MYO3B: variants seen among roughly 807,000 people sequenced by gnomAD.
The protein encoded by MYO3B is myosin IIIB.
A neutral mutation model predicts 174.6 loss-of-function variants in MYO3B; 156 were observed. The ratio of observed to expected loss-of-function variants is 0.89; its 90% confidence interval spans 0.78 to 1.02. The LOEUF (loss-of-function observed/expected upper bound fraction) is 1.02. Among genes scored for constraint, MYO3B ranks in the 50% least tolerant of loss-of-function variants. The pLI, the probability that MYO3B is intolerant of heterozygous loss-of-function variation, is 0.00. For synonymous variants in MYO3B, 563 were observed against 569.1 expected (o/e 0.99, Z 0.15); for missense variants, 1,632 against 1,639.4 (o/e 1.00, Z 0.08).
intron 32 of MYO3B, among the ~76,000 whole-genome samples, chr2:170,581,026 G>T (rs1347821463): frequency 1.3e-5 from 2 of 151,866 alleles, no homozygotes; most frequent in Non-Finnish European, 2.9e-5. Flanking sequence ...AAATTTCTGG[G>T]GTATATATCT....
At chr2:170,422,263 TATC>T (rs1293565789) in intron 22 of MYO3B, among the ~76,000 whole-genome samples, 1 of 151,874 alleles carries the variant, frequency 6.6e-6, no homozygotes, top group Non-Finnish European at 1.5e-5. Flanking sequence ...AGTACAGTGG[TATC>T]ATCATAGCTC....
intron 8 of MYO3B, among the ~76,000 whole-genome samples, chr2:170,338,893 T>G (rs1320459782): frequency 2.6e-5 from 4 of 152,186 alleles, no homozygotes. Context: ...TGTGAGCCAC[T>G]GAGCCCAGCC....
chr2:170,390,900 C>A (rs2094407470), intron 14 of MYO3B, among the ~76,000 whole-genome samples: 1 of 152,190 alleles, frequency 6.6e-6, no homozygotes, highest in African/African-American at 2.4e-5. Context: ...CATGTACTTA[C>A]CAGTTCCTTC....
At chr2:170,367,917 G>A (rs2094210771) in intron 8 of MYO3B, among the ~76,000 whole-genome samples, 1 of 152,142 alleles carries the variant, frequency 6.6e-6, no homozygotes, top group Admixed American at 6.6e-5. Flanking sequence ...GATAATTTAG[G>A]TTCCGTTGGC....
intron 7 of MYO3B, among the ~76,000 whole-genome samples, chr2:170,283,797 G>C (rs1319719868): frequency 6.6e-6 from 1 of 152,178 alleles, no homozygotes; most frequent in East Asian, 1.9e-4. Flanking sequence ...GGCACTTTCT[G>C]GTTGAAAGTA....
intron 30 of MYO3B, among the ~76,000 whole-genome samples, chr2:170,526,295 A>G (rs1474260881): frequency 6.6e-6 from 1 of 152,214 alleles, no homozygotes; most frequent in African/African-American, 2.4e-5. Flanking sequence ...ATACTCAATA[A>G]GAGATTATGG....
chr2:170,506,655 C>A (rs1687639264), intron 28 of MYO3B, among the ~76,000 whole-genome samples: 1 of 152,144 alleles, frequency 6.6e-6, no homozygotes, highest in Non-Finnish European at 1.5e-5. Context: ...CTGTATTTTG[C>A]CAACGCTCTT....
chr2:170,219,804 C>T lies in MYO3B; in HGVS notation c.603+2409C>T, dbSNP rs980043040. Among the ~76,000 whole-genome samples the T allele has an allele frequency of 4.0e-5, 6 of 151,368 alleles. No homozygotes were observed. The Admixed American group carries it at 4.1e-4, about 10-fold the overall frequency. Reference sequence around the variant, plus strand: ...GATCTGTTCTGAAAGGAAAGCATAACTAAGGTCACTCAACTAATATTTGGG... The same window carrying T: ...GATCTGTTCTGAAAGGAAAGCATAATTAAGGTCACTCAACTAATATTTGGG... On this transcript the variant is annotated intron_variant, in intron 6 of 34. Transcript: ENST00000408978.
intron 25 of MYO3B, among the ~76,000 whole-genome samples, chr2:170,476,803 T>C (rs2105998074): frequency 6.6e-6 from 1 of 152,140 alleles, no homozygotes; most frequent in Middle Eastern, 3.4e-3. Context: ...GGTGGGACCA[T>C]TGCCGGGGAA....
At chr2:170,290,609 T>C (rs1370825594) in intron 7 of MYO3B, among the ~76,000 whole-genome samples, 1 of 152,196 alleles carries the variant, frequency 6.6e-6, no homozygotes, top group Non-Finnish European at 1.5e-5. Flanking sequence ...CAGCATATAA[T>C]TGGATCTTGT....
At chr2:170,320,695 G>A (rs1409286340) in intron 7 of MYO3B, among the ~76,000 whole-genome samples, 1 of 151,726 alleles carries the variant, frequency 6.6e-6, no homozygotes. Flanking sequence ...ATATATATAT[G>A]TGCTTATACC....
At chr2:170,625,946 C>A (rs1696388744) in intron 32 of MYO3B, among the ~76,000 whole-genome samples, 1 of 152,156 alleles carries the variant, frequency 6.6e-6, no homozygotes, top group South Asian at 2.1e-4. Flanking sequence ...TGTTCTTTTA[C>A]CTCTGCTGAG....
chr2:170,310,686 A>AAAAAAAAAAAAAAAAAAG (rs1394362887), intron 7 of MYO3B, among the ~76,000 whole-genome samples: 1 of 150,854 alleles, frequency 6.6e-6, no homozygotes, highest in African/African-American at 2.5e-5. Context: ...AAAAAAAAAA[A>AAAAAAAAAAAAAAAAAAG]AGAAATACAT....
chr2:170,580,603 A>C (rs1438894963), intron 32 of MYO3B, among the ~76,000 whole-genome samples: 4 of 152,146 alleles, frequency 2.6e-5, no homozygotes, highest in Non-Finnish European at 5.9e-5. Context: ...GCACCACTGC[A>C]CTCCAGCCAG....
intron 23 of MYO3B, among the ~76,000 whole-genome samples, chr2:170,447,122 T>A (rs527393267): frequency 9.9e-5 from 15 of 152,240 alleles, no homozygotes; most frequent in Admixed American, 7.2e-4. Context: ...CTGGCCTGCT[T>A]CAGAGAAGAG....
At chr2:170,437,613 C>T (rs2094764374) in intron 22 of MYO3B, among the ~76,000 whole-genome samples, 1 of 152,174 alleles carries the variant, frequency 6.6e-6, no homozygotes, top group South Asian at 2.1e-4. Flanking sequence ...TTACTACTCT[C>T]CTTTTTGTTT....
At chr2:170,601,954 G>C (rs1466094860) in intron 32 of MYO3B, 1 of 834,588 alleles carries the variant, frequency 1.2e-6, no homozygotes, top group African/African-American at 1.7e-5. Context: ...GGGTGCATTG[G>C]AATCCTCGAA....
At chr2:170,369,928 G>A (rs536102714) in intron 9 of MYO3B, among the ~76,000 whole-genome samples, 1 of 151,980 alleles carries the variant, frequency 6.6e-6, no homozygotes, top group Non-Finnish European at 1.5e-5. Context: ...CATTTTTCAG[G>A]TATTTCTTAT....
In MYO3B at chr2:170,383,657, G is replaced by C. The variant is rs532045097; in HGVS notation, c.1186-53G>C. The C allele has an allele frequency of 5.9e-5, 79 of 1,342,682 alleles. No homozygotes were observed. In the Middle Eastern group the frequency reaches 1.4e-3, roughly 23 times the overall value. The allele number at this position is 1,342,682 out of a possible 1,614,324, so 83.2% of individuals were successfully genotyped here. On this transcript the variant is annotated intron_variant, in intron 11 of 34. Transcript: ENST00000408978. ...TTCTTGGTTTCATGGGCAATAGGTA[G>C]TGGAGTATTAGATGGTCCAGGGGAG...
Sources: gnomAD v4.1 joint callset for allele counts (sites outside exome capture counted in the v4.1 genomes callset) on GRCh38, gnomAD v4.1.1 for gene constraint, MANE v1.5 for transcripts, NCBI Gene and HGNC (gene_info 2026-07-23, HGNC 2026-07-21) for gene names.